TPCN2: variants seen among roughly 807,000 people sequenced by gnomAD.
TPCN2 encodes the protein two pore channel protein 2.
TPCN2 carries 92 observed loss-of-function variants against 111.4 expected under a neutral mutation model. The observed-to-expected ratio is 0.83, with a 90% CI of 0.70 to 0.98. The LOEUF is 0.98. Ranked by LOEUF, TPCN2 falls within the 50% of genes least tolerant of loss-of-function variation. The pLI is 0.00. For synonymous variants in TPCN2, 405 were observed against 414.5 expected (o/e 0.98, Z 0.28); for missense variants, 995 against 980.1 (o/e 1.02, Z -0.20).
At chr11:69,051,364 T>C (rs547735337) in intron 1 of TPCN2, among the ~76,000 whole-genome samples, 1 of 152,386 alleles carries the variant, frequency 6.6e-6, no homozygotes, top group Admixed American at 6.5e-5. Context: ...TGAATGCTTA[T>C]GAAGGGCTCA....
intron 22 of TPCN2, 150 bp from the exon 23 acceptor site, chr11:69,086,373 T>G (rs1013433999): frequency 1.6e-5 from 11 of 699,178 alleles, no homozygotes; most frequent in Non-Finnish European, 2.5e-5. Flanking sequence ...GTTGGGTTGT[T>G]TCTGAGATGG....
At chr11:69,056,236 C>G (rs761849112) in intron 4 of TPCN2, among the ~76,000 whole-genome samples, 1 of 152,212 alleles carries the variant, frequency 6.6e-6, no homozygotes, top group African/African-American at 2.4e-5. Context: ...GCTTCCTGGT[C>G]GCGTGGGGCC....
chr11:69,086,744 C>T, intron 23 of TPCN2, 140 bp downstream of exon 23: 1 of 785,726 alleles, frequency 1.3e-6, no homozygotes, highest in Non-Finnish European at 2.1e-6. Context: ...CTGAGTGAGG[C>T]TGAGCCCCTC....
At chr11:69,078,072 G>A (rs1365231129) in intron 13 of TPCN2, among the ~76,000 whole-genome samples, 6 of 152,104 alleles carry the variant, frequency 3.9e-5, no homozygotes, top group African/African-American at 1.4e-4. Flanking sequence ...ATTGCCTCCT[G>A]CTGCTGCTGG....
rs189299701 is a variant in TPCN2 at position 69,084,647 on chromosome 11, G to A, written c.1762-563G>A. On this transcript the variant is annotated intron_variant, in intron 19 of 24. Transcript: ENST00000294309. ...AGGAAGCCCGGCCACACTTCAGGCAGTTTTGCCATTTTATTCTGACCACCT... is the reference window on the plus strand; with the variant it reads ...AGGAAGCCCGGCCACACTTCAGGCAATTTTGCCATTTTATTCTGACCACCT... 1.4e-4 allele frequency: 136 copies of A among 985,462 alleles called. 1 individual carries two copies. The East Asian group carries it at 0.012, about 89-fold the overall frequency. The allele number at this position is 985,462 out of a possible 1,614,324, so 61.0% of individuals were successfully genotyped here.
intron 22 of TPCN2, among the ~76,000 whole-genome samples, 158 bp from the exon 23 acceptor site, chr11:69,086,365 T>G (rs1381423244): frequency 6.6e-6 from 1 of 152,144 alleles, no homozygotes; most frequent in Non-Finnish European, 1.5e-5. Flanking sequence ...AGGCCTCAGT[T>G]GGGTTGTTTC....
At chr11:69,081,630 C>T (rs1856016848) in intron 18 of TPCN2, 131 bp downstream of exon 18, 7 of 597,696 alleles carry the variant, frequency 1.2e-5, no homozygotes, top group Non-Finnish European at 1.8e-5. Context: ...CTGGCTGCAC[C>T]CTCAGCTCTC....
chr11:69,086,902 C>T (rs1351961606), intron 23 of TPCN2, among the ~76,000 whole-genome samples: 1 of 65,286 alleles, frequency 1.5e-5, no homozygotes, highest in African/African-American at 4.8e-5. Flanking sequence ...TGTGGGGATT[C>T]TCAGGCCCCC....
chr11:69,077,121 C>G (rs866763274), intron 13 of TPCN2, among the ~76,000 whole-genome samples: 1 of 129,566 alleles, frequency 7.7e-6, no homozygotes, highest in Non-Finnish European at 1.6e-5. Context: ...TCCTGCCCTC[C>G]TGCCATGTCC....
chr11:69,069,861 G>C (rs892592708), intron 8 of TPCN2, among the ~76,000 whole-genome samples: 1 of 109,710 alleles, frequency 9.1e-6, no homozygotes, highest in East Asian at 2.5e-4. Context: ...CTGCAGGGAG[G>C]TTTCAGCTCT....
At chr11:69,054,195 T>C in intron 2 of TPCN2, 98 bp downstream of exon 2, 2 of 938,774 alleles carry the variant, frequency 2.1e-6, no homozygotes, top group Non-Finnish European at 3.3e-6. Flanking sequence ...AAGGCCTCCA[T>C]TGCTGGACTG....
chr11:69,072,266 C>T (rs116560923), intron 11 of TPCN2, among the ~76,000 whole-genome samples: 56 of 152,330 alleles, frequency 3.7e-4, no homozygotes, highest in African/African-American at 1.3e-3. Flanking sequence ...CCGAGTGGCC[C>T]GGCCTTCTTG....
At position 69,075,772 on chromosome 11, in the gene TPCN2, A is replaced by G. The variant is rs564906667; in HGVS notation, c.1231-2710A>G. 1.4e-4 allele frequency among the ~76,000 whole-genome samples: 21 copies of G among 152,246 alleles called. No homozygotes were observed. The South Asian group carries it at 4.1e-3, about 30-fold the overall frequency. On this transcript the variant is annotated intron_variant, in intron 13 of 24. Coordinates refer to ENST00000294309, the MANE Select transcript of TPCN2 (RefSeq NM_139075.4). The stretch of plus-strand genomic sequence containing the variant: ...TGGTGCTTGCTGGCGAGCTTCAGAG[A>G]AGGTGCCCTGCCTGCTGCTGAAAGA...
intron 13 of TPCN2, among the ~76,000 whole-genome samples, chr11:69,078,124 A>G (rs953070085): frequency 2.7e-5 from 4 of 149,948 alleles, no homozygotes; most frequent in South Asian, 2.1e-4. Context: ...TTCTGTAGCT[A>G]TGAGTATATC....
At chr11:69,072,127 C>A in intron 11 of TPCN2, 104 bp downstream of exon 11, 2 of 961,654 alleles carry the variant, frequency 2.1e-6, no homozygotes, top group Non-Finnish European at 3.1e-6. Context: ...GCCTGTGCCT[C>A]GCCCCTGCTG....
intron 7 of TPCN2, among the ~76,000 whole-genome samples, chr11:69,065,273 G>C (rs1011952595): frequency 5.9e-5 from 9 of 152,190 alleles, no homozygotes; most frequent in Non-Finnish European, 1.2e-4. Context: ...CTGCAGTAGC[G>C]CTGTTTGCCA....
At chr11:69,054,515 C>G (rs754975260) in intron 2 of TPCN2, 1 of 593,700 alleles carries the variant, frequency 1.7e-6, no homozygotes, top group Non-Finnish European at 3.0e-6. Context: ...GGGTGTGTGG[C>G]CTGTGAGGTC....
chr11:69,079,909 C>T (rs750712740), intron 17 of TPCN2, 26 bp downstream of exon 17: 17 of 1,612,002 alleles, frequency 1.1e-5, no homozygotes, highest in Admixed American at 5.0e-5. Context: ...GAACCGAGGG[C>T]GGCTACAGCA....
intron 7 of TPCN2, among the ~76,000 whole-genome samples, chr11:69,066,032 C>T (rs1448614089): frequency 6.6e-6 from 1 of 152,000 alleles, no homozygotes; most frequent in Non-Finnish European, 1.5e-5. Context: ...GGAGATGGGC[C>T]GGGGCAGGGC....
Sources: gnomAD v4.1 joint callset for allele counts (sites outside exome capture counted in the v4.1 genomes callset) on GRCh38, gnomAD v4.1.1 for gene constraint, MANE v1.5 for transcripts, NCBI Gene and HGNC (gene_info 2026-07-23, HGNC 2026-07-21) for gene names.